The following ZMAT4 variants were observed in gnomAD, a reference collection of about 807,000 sequenced individuals.
The protein encoded by ZMAT4 is zinc finger matrin-type 4, also known as zinc finger matrin-type protein 4.
A neutral mutation model predicts 28.7 loss-of-function variants in ZMAT4; 17 were observed. That is an observed-to-expected ratio of 0.59 (90% CI 0.41 to 0.89). The LOEUF (loss-of-function observed/expected upper bound fraction) is 0.89, where lower values mean the gene tolerates loss of function less well. ZMAT4 is among the 40% of genes least tolerant of loss of function. The pLI is 0.00. For missense variants in ZMAT4, 240 were observed against 283.8 expected (o/e 0.85, Z 1.11); for synonymous variants, 117 against 109.2 (o/e 1.07, Z -0.44).
chr8:40,551,523 G>A lies in ZMAT4; in HGVS notation c.675-19285C>T, dbSNP rs572225918. 1.3e-4 allele frequency among the ~76,000 whole-genome samples: 20 copies of A among 152,308 alleles called. 1 individual carries two copies. The South Asian group carries it at 4.1e-3, about 32-fold the overall frequency. On this transcript the variant is annotated intron_variant, in intron 6 of 6. Transcript: ENST00000297737. Reference sequence around the variant, plus strand: ...TTCATATAGTAGACGATGTATTAGTGTAGTCTGGATGATCAAGAAAGGTAG... The same window carrying A: ...TTCATATAGTAGACGATGTATTAGTATAGTCTGGATGATCAAGAAAGGTAG...
intron 2 of ZMAT4, among the ~76,000 whole-genome samples, chr8:40,816,551 T>G (rs1315888215): frequency 6.6e-6 from 1 of 152,090 alleles, no homozygotes; most frequent in African/African-American, 2.4e-5. Context: ...ATGGTTAGGA[T>G]ATTGTAGATC....
chr8:40,640,582 T>C (rs1806974601), intron 5 of ZMAT4, among the ~76,000 whole-genome samples: 1 of 152,108 alleles, frequency 6.6e-6, no homozygotes, highest in Non-Finnish European at 1.5e-5. Flanking sequence ...GCCTTGATAG[T>C]TCTGGAAAGT....
Position 40,882,308 on chromosome 8 carries a change from T to G in ZMAT4, c.-5+15375A>C, listed in dbSNP as rs75650668. On this transcript the variant is annotated intron_variant, in intron 1 of 6. Transcript: ENST00000297737. The stretch of plus-strand genomic sequence containing the variant: ...GGTTCCCTTTAAATCTGTCTCAATA[T>G]TATGGTTCTAGAAGCTTTCAGAGTT... 1.8e-3 allele frequency among the ~76,000 whole-genome samples: 271 copies of G among 152,270 alleles called. 2 individuals carry two copies. The highest frequency in any genetic ancestry group is 3.5e-3 in the East Asian group (18 of 5,168).
intron 5 of ZMAT4, among the ~76,000 whole-genome samples, chr8:40,588,903 A>C (rs1387475474): frequency 1.3e-5 from 2 of 152,202 alleles, no homozygotes; most frequent in African/African-American, 2.4e-5. Context: ...CATCAACACA[A>C]GAATTGATCG....
intron 1 of ZMAT4, among the ~76,000 whole-genome samples, chr8:40,848,921 C>T (rs145716489): frequency 6.6e-6 from 1 of 152,220 alleles, no homozygotes; most frequent in Non-Finnish European, 1.5e-5. Flanking sequence ...CCAGCCACCC[C>T]CAAATGACCT....
chr8:40,815,977 C>T (rs945329156), intron 2 of ZMAT4, among the ~76,000 whole-genome samples: 1 of 152,126 alleles, frequency 6.6e-6, no homozygotes, highest in Admixed American at 6.5e-5. Context: ...TCTTTCCTCT[C>T]CTTCTCTTTC....
intron 4 of ZMAT4, among the ~76,000 whole-genome samples, chr8:40,695,146 T>C (rs1255635922): frequency 6.6e-6 from 1 of 152,230 alleles, no homozygotes; most frequent in African/African-American, 2.4e-5. Flanking sequence ...TGCATTTGGG[T>C]CTTCATTCTG....
At chr8:40,672,384 G>T (rs181406283) in intron 5 of ZMAT4, among the ~76,000 whole-genome samples, 17 of 152,192 alleles carry the variant, frequency 1.1e-4, no homozygotes, top group Admixed American at 1.1e-3. Flanking sequence ...TTAAGCTTTT[G>T]CAATATTTAA....
chr8:40,697,095 G>A (rs1809920765), intron 4 of ZMAT4, 150 bp downstream of exon 4: 1 of 869,990 alleles, frequency 1.1e-6, no homozygotes, highest in African/African-American at 1.7e-5. Context: ...CAGGTCTGCT[G>A]AGGTCAGCCA....
At chr8:40,711,971 A>C (rs989876931) in intron 3 of ZMAT4, among the ~76,000 whole-genome samples, 26 of 152,210 alleles carry the variant, frequency 1.7e-4, no homozygotes, top group African/African-American at 6.3e-4. Context: ...TTCTAATAAA[A>C]GGTTTATAAA....
At chr8:40,803,125 A>G (rs1814924105) in intron 2 of ZMAT4, among the ~76,000 whole-genome samples, 3 of 152,212 alleles carry the variant, frequency 2.0e-5, no homozygotes, top group Non-Finnish European at 4.4e-5. Context: ...AATTTCTAGA[A>G]GATAATACAG....
intron 5 of ZMAT4, among the ~76,000 whole-genome samples, chr8:40,642,626 T>C (rs1486757446): frequency 6.6e-6 from 1 of 152,230 alleles, no homozygotes; most frequent in Non-Finnish European, 1.5e-5. Flanking sequence ...GGCAAAGTTG[T>C]GGCAAGTTTA....
intron 5 of ZMAT4, among the ~76,000 whole-genome samples, chr8:40,653,616 T>C (rs1454180271): frequency 6.6e-6 from 1 of 152,110 alleles, no homozygotes; most frequent in Non-Finnish European, 1.5e-5. Context: ...TAGAAAGGAT[T>C]GTTAGTTAAT....
intron 6 of ZMAT4, among the ~76,000 whole-genome samples, chr8:40,540,444 A>G (rs1802993603): frequency 6.6e-6 from 1 of 152,180 alleles, no homozygotes; most frequent in South Asian, 2.1e-4. Context: ...AAGTCCCACA[A>G]CCCTGATTTC....
intron 3 of ZMAT4, among the ~76,000 whole-genome samples, chr8:40,750,263 C>A (rs1279588597): frequency 6.6e-6 from 1 of 151,970 alleles, no homozygotes; most frequent in Non-Finnish European, 1.5e-5. Context: ...AGTCACAAGC[C>A]AGAATGTAGT....
intron 3 of ZMAT4, among the ~76,000 whole-genome samples, chr8:40,742,997 A>AG (rs1325459662): frequency 2.6e-5 from 4 of 152,066 alleles, no homozygotes; most frequent in Non-Finnish European, 4.4e-5. Flanking sequence ...GGGTCACCTG[A>AG]GGTCAGGAGT....
In ZMAT4 at chr8:40,886,998, C is replaced by T. The variant is rs185500201; in HGVS notation, c.-5+10685G>A. On this transcript the variant is annotated intron_variant, in intron 1 of 6. Transcript: ENST00000297737. The stretch of plus-strand genomic sequence containing the variant: ...CAACCTGGCTAACATGGTGAAACCC[C>T]GTCTCTACTAAAAATACAAAAAATT... Among the ~76,000 whole-genome samples, 92 of 152,004 alleles carry T rather than the reference C, an allele frequency of 6.1e-4. 3 individuals carry two copies. In the East Asian group the frequency reaches 0.015, roughly 24 times the overall value.
intron 5 of ZMAT4, among the ~76,000 whole-genome samples, chr8:40,648,212 T>A (rs1807442938): frequency 6.6e-6 from 1 of 151,760 alleles, no homozygotes; most frequent in Non-Finnish European, 1.5e-5. Context: ...GAATAACCAA[T>A]ACAGAGAAGT....
intron 2 of ZMAT4, chr8:40,808,399 GAC>G (rs1000281550): frequency 1.9e-5 from 6 of 309,668 alleles, no homozygotes; most frequent in Admixed American, 1.3e-4. Flanking sequence ...AAAAAAAAAA[GAC>G]AGCATATTTT....
Sources: allele counts gnomAD v4.1 joint callset (sites outside exome capture counted in the v4.1 genomes callset), GRCh38; gene constraint gnomAD v4.1.1; transcripts MANE v1.5; gene names NCBI Gene and HGNC (gene_info 2026-07-23, HGNC 2026-07-21).